Variants in GRAMD1B observed in about 807,000 individuals in gnomAD.
GRAMD1B encodes protein Aster-B.
A neutral mutation model predicts 99.7 loss-of-function variants in GRAMD1B; 37 were observed. The observed-to-expected ratio is 0.37, with a 90% CI of 0.29 to 0.49. The LOEUF (loss-of-function observed/expected upper bound fraction) is 0.49. GRAMD1B is among the 20% of genes least tolerant of loss of function. The pLI is 0.98. For missense variants in GRAMD1B, 888 were observed against 1,009.2 expected (o/e 0.88, Z 1.63); for synonymous variants, 427 against 387.6 (o/e 1.10, Z -1.19).
intron 2 of GRAMD1B, among the ~76,000 whole-genome samples, chr11:123,566,771 C>CA (rs797015346): frequency 0.013 from 1,646 of 125,898 alleles, 15 homozygotes; most frequent in African/African-American, 0.032. Flanking sequence ...ATCTCAAAAG[C>CA]AAAAAAAAAA....
chr11:123,584,281 T>A (rs1436658250), intron 3 of GRAMD1B, 31 bp from the exon 4 acceptor site: 12 of 948,796 alleles, frequency 1.3e-5, no homozygotes, highest in Non-Finnish European at 1.7e-5. Flanking sequence ...CCCTGACTAA[T>A]TCTACCTTCT....
At chr11:123,461,967 CT>C (rs756413526) in intron 1 of GRAMD1B, among the ~76,000 whole-genome samples, 444 of 122,236 alleles carry the variant, frequency 3.6e-3, no homozygotes, top group Non-Finnish European at 4.9e-3. Flanking sequence ...TTGTTTATTT[CT>C]TTTTTTTTTT....
intron 3 of GRAMD1B, among the ~76,000 whole-genome samples, chr11:123,584,035 G>C (rs1949765672): frequency 6.6e-6 from 1 of 152,118 alleles, no homozygotes; most frequent in Admixed American, 6.5e-5. Context: ...CCTTGCGATG[G>C]GGCTCCGACT....
chr11:123,385,207 T>G (rs555009355), intron 1 of GRAMD1B, among the ~76,000 whole-genome samples: 3 of 152,306 alleles, frequency 2.0e-5, no homozygotes, highest in Admixed American at 2.0e-4. Context: ...CTTTACATTT[T>G]CCTTCCCCCA....
chr11:123,594,334 A>G (rs1951009088), intron 5 of GRAMD1B, among the ~76,000 whole-genome samples, 168 bp downstream of exon 5: 1 of 152,224 alleles, frequency 6.6e-6, no homozygotes, highest in South Asian at 2.1e-4. Flanking sequence ...GAGGCTGAGT[A>G]TCAGGCTTGT....
chr11:123,419,953 G>A (rs1324083615), intron 1 of GRAMD1B, among the ~76,000 whole-genome samples: 1 of 152,010 alleles, frequency 6.6e-6, no homozygotes, highest in Non-Finnish European at 1.5e-5. Flanking sequence ...GTCCTGCATA[G>A]GTAGCAAACT....
intron 2 of GRAMD1B, among the ~76,000 whole-genome samples, chr11:123,552,273 C>CTTTTTTTTTTTTTT (rs71060514): frequency 3.4e-5 from 4 of 119,370 alleles, no homozygotes; most frequent in South Asian, 2.6e-4. Context: ...CTCTTTCTTT[C>CTTTTTTTTTTTTTT]TTTTTTTTTT....
At chr11:123,398,701 A>G (rs1239060975) in intron 1 of GRAMD1B, among the ~76,000 whole-genome samples, 1 of 152,104 alleles carries the variant, frequency 6.6e-6, no homozygotes, top group Non-Finnish European at 1.5e-5. Flanking sequence ...CTTTTCATGT[A>G]TTTATCGGTC....
chr11:123,572,211 C>G (rs1948179537), intron 2 of GRAMD1B, among the ~76,000 whole-genome samples: 1 of 152,224 alleles, frequency 6.6e-6, no homozygotes, highest in Non-Finnish European at 1.5e-5. Flanking sequence ...TAACTCTAAA[C>G]TCTGGGAGGG....
intron 1 of GRAMD1B, among the ~76,000 whole-genome samples, chr11:123,410,078 C>T (rs1947988033): frequency 1.3e-5 from 2 of 152,092 alleles, no homozygotes. Context: ...TGATCCTAAT[C>T]AGCACAGGGA....
intron 1 of GRAMD1B, among the ~76,000 whole-genome samples, chr11:123,370,095 A>G (rs905650953): frequency 6.6e-6 from 1 of 150,916 alleles, no homozygotes; most frequent in African/African-American, 2.4e-5. Context: ...CAGGCAGATC[A>G]CTTGATGTCA....
At position 123,492,732 on chromosome 11, in the gene GRAMD1B, T is replaced by G. The variant is rs1938696396; in HGVS notation, c.452+11839T>G. On this transcript the variant is annotated intron_variant, in intron 2 of 19. Coordinates refer to ENST00000635736, the MANE Select transcript of GRAMD1B (RefSeq NM_001387025.1). The surrounding 1 kb of genome is among the most constrained non-coding windows in gnomAD (Gnocchi z 4.2). ...ACATCACTGAGAAAGATGGAATGAA[T>G]GAAGTGAGGAGAGAAAAGGAAGGAG... Among the ~76,000 whole-genome samples the G allele has an allele frequency of 6.6e-6, 1 of 152,012 alleles. No homozygotes were observed. Among genetic ancestry groups the G allele is most frequent in the African/African-American group, 2.4e-5 (1 of 41,370 alleles).
chr11:123,572,159 A>C (rs970506291), intron 2 of GRAMD1B, among the ~76,000 whole-genome samples: 1 of 152,174 alleles, frequency 6.6e-6, no homozygotes, highest in Non-Finnish European at 1.5e-5. Context: ...TAACCCCCCT[A>C]GACTCAGGTT....
chr11:123,599,314 G>A (rs1951664264), intron 7 of GRAMD1B: 2 of 710,664 alleles, frequency 2.8e-6, no homozygotes, highest in East Asian at 3.0e-5. Flanking sequence ...TACCTATCTT[G>A]CGTGGCCCGA....
chr11:123,592,867 C>T (rs1368293050), intron 4 of GRAMD1B, among the ~76,000 whole-genome samples: 1 of 151,974 alleles, frequency 6.6e-6, no homozygotes, highest in Admixed American at 6.6e-5. Flanking sequence ...CTGTCACCCC[C>T]GGTGCTCCTC....
At chr11:123,508,448 A>G (rs1249208926) in intron 2 of GRAMD1B, among the ~76,000 whole-genome samples, 2 of 152,238 alleles carry the variant, frequency 1.3e-5, no homozygotes, top group Non-Finnish European at 2.9e-5. Context: ...AAATTTCAAC[A>G]TGAGTTTGGA....
chr11:123,474,913 G>A (rs996644418), intron 1 of GRAMD1B, among the ~76,000 whole-genome samples: 11 of 152,152 alleles, frequency 7.2e-5, no homozygotes, highest in African/African-American at 2.4e-4. Context: ...TGGAAATACT[G>A]CATTACAGCC....
At chr11:123,448,570 T>C (rs1264844590) in intron 1 of GRAMD1B, among the ~76,000 whole-genome samples, 1 of 152,216 alleles carries the variant, frequency 6.6e-6, no homozygotes, top group East Asian at 1.9e-4. Flanking sequence ...TTTCATCCAT[T>C]CTCTTGGCTT....
intron 1 of GRAMD1B, among the ~76,000 whole-genome samples, chr11:123,368,954 G>A (rs895437322): frequency 2.0e-5 from 3 of 151,572 alleles, no homozygotes; most frequent in African/African-American, 7.3e-5. Flanking sequence ...AAAAGGAGAT[G>A]GAATGACAAC....
Sources: gnomAD v4.1 joint callset for allele counts (sites outside exome capture counted in the v4.1 genomes callset) on GRCh38, gnomAD v4.1.1 for gene constraint, Gnocchi (gnomAD v3.1) non-coding constraint, MANE v1.5 for transcripts, NCBI Gene and HGNC (gene_info 2026-07-23, HGNC 2026-07-21) for gene names.